UBE2E1: variants seen among roughly 807,000 people sequenced by gnomAD.
The protein encoded by UBE2E1 is ubiquitin conjugating enzyme E2 E1, also known as ubiquitin-conjugating enzyme E2 E1.
UBE2E1 carries 6 observed loss-of-function variants against 21.4 expected under a neutral mutation model. The observed-to-expected ratio is 0.28, with a 90% CI of 0.15 to 0.55. The LOEUF is 0.55. Among genes scored for constraint, UBE2E1 ranks in the 20% least tolerant of loss-of-function variants. The probability of loss-of-function intolerance (pLI) is 0.93; values close to 1 mark genes in which losing one functional copy is unlikely to be tolerated. For synonymous variants in UBE2E1, 87 were observed against 82.7 expected (o/e 1.05, Z -0.28); for missense variants, 142 against 236.5 (o/e 0.60, Z 2.62).
At chr3:23,820,939 G>A (rs1331544791) in intron 3 of UBE2E1, among the ~76,000 whole-genome samples, 1 of 152,184 alleles carries the variant, frequency 6.6e-6, no homozygotes, top group Non-Finnish European at 1.5e-5. Flanking sequence ...AGTAAATAGA[G>A]TAACTTGGGA....
At chr3:23,828,143 A>C (rs1048756080) in intron 3 of UBE2E1, among the ~76,000 whole-genome samples, 1 of 152,110 alleles carries the variant, frequency 6.6e-6, no homozygotes, top group Non-Finnish European at 1.5e-5. Flanking sequence ...AAATATGATT[A>C]TTTTTATTTC....
chr3:23,819,864 T>C (rs1699610255), intron 3 of UBE2E1, among the ~76,000 whole-genome samples: 1 of 152,154 alleles, frequency 6.6e-6, no homozygotes, highest in Admixed American at 6.5e-5. Context: ...GCAGGCTCGA[T>C]TGAGAAAAGA....
intron 3 of UBE2E1, among the ~76,000 whole-genome samples, chr3:23,868,307 TTTTA>T (rs948493151): frequency 6.6e-6 from 1 of 152,030 alleles, no homozygotes; most frequent in Non-Finnish European, 1.5e-5. Context: ...TATTTTTTAT[TTTTA>T]TTTATTTATT....
At chr3:23,873,420 G>A (rs906901980) in intron 3 of UBE2E1, among the ~76,000 whole-genome samples, 2 of 143,976 alleles carry the variant, frequency 1.4e-5, no homozygotes, top group Non-Finnish European at 3.0e-5. Flanking sequence ...GGAGGGTGCA[G>A]GTGGAGGTTG....
rs1225398173 is a variant in UBE2E1 at position 23,853,706 on chromosome 3, A to G, written c.204-33861A>G. 6.6e-6 allele frequency among the ~76,000 whole-genome samples: 1 copy of G among 152,152 alleles called. No homozygotes were observed. Among genetic ancestry groups the G allele is most frequent in the African/African-American group, 2.4e-5 (1 of 41,432 alleles). ...AATGAGTGAATTGGTGAAAATAACT[A>G]CATGTACACCTGTAGTCTTGCTTTG... On this transcript the variant is annotated intron_variant, in intron 3 of 5. Coordinates refer to ENST00000306627, the MANE Select transcript of UBE2E1 (RefSeq NM_003341.5). This position sits in a 1 kb window ranked among gnomAD's most constrained non-coding sequence, Gnocchi z 4.1.
rs761465372 is a variant in UBE2E1, at chr3:23,870,074, C to G, written c.204-17493C>G. Among the ~76,000 whole-genome samples, 1 of 152,160 alleles carries G rather than the reference C, an allele frequency of 6.6e-6. No individual in the cohort carries two copies. Among genetic ancestry groups the G allele is most frequent in the Non-Finnish European group, 1.5e-5 (1 of 68,022 alleles). Reference sequence around the variant, plus strand: ...TGAAGCCTTCCTCACTTTTACATGTCTGGTTTTCCACCTGGGCTGGGAAGG... The same window carrying G: ...TGAAGCCTTCCTCACTTTTACATGTGTGGTTTTCCACCTGGGCTGGGAAGG... On this transcript the variant is annotated intron_variant, in intron 3 of 5. Coordinates refer to ENST00000306627, the MANE Select transcript of UBE2E1 (RefSeq NM_003341.5). The surrounding 1 kb of genome is among the most constrained non-coding windows in gnomAD (Gnocchi z 4.2).
rs140561535 is a variant in UBE2E1, at chr3:23,825,303, G to A, written c.203+13793G>A. Among the ~76,000 whole-genome samples the A allele has an allele frequency of 4.0e-3, 608 of 152,324 alleles. 7 individuals are homozygous for A. Among genetic ancestry groups the A allele is most frequent in the African/African-American group, 0.013 (545 of 41,562 alleles). On this transcript the variant is annotated intron_variant, in intron 3 of 5. Transcript: ENST00000306627. Reference sequence around the variant, plus strand: ...ACAAATCATTGACAACACTGGCAGTGCTTTGGTCTGTGCCTGCCCTGGCTT... The same window carrying A: ...ACAAATCATTGACAACACTGGCAGTACTTTGGTCTGTGCCTGCCCTGGCTT...
At position 23,825,735 on chromosome 3, in the gene UBE2E1, T is replaced by C. The variant is rs1699743815; in HGVS notation, c.203+14225T>C. On this transcript the variant is annotated intron_variant, in intron 3 of 5. Transcript: ENST00000306627. ...TGGGGTAGGCCAGTGTGGCTGGACA[T>C]AGTGAATGAGGGTGAGAGTGGTAGG... 2.0e-5 allele frequency among the ~76,000 whole-genome samples: 3 copies of C among 152,034 alleles called. No homozygotes were observed. The South Asian group carries it at 6.2e-4, about 32-fold the overall frequency.
chr3:23,889,016 A>C, intron 4 of UBE2E1, 96 bp from the exon 5 acceptor site: 1 of 1,280,074 alleles, frequency 7.8e-7, no homozygotes, highest in Non-Finnish European at 1.1e-6. Context: ...TTTAATTAAA[A>C]CTGCTTTTAG....
intron 3 of UBE2E1, chr3:23,879,456 G>A (rs1439147728): frequency 9.6e-6 from 4 of 418,648 alleles, no homozygotes; most frequent in South Asian, 4.1e-5. Context: ...AATGAAGGCC[G>A]ACTGGACAGG....
Position 23,831,518 on chromosome 3 carries a change from C to CTTTTT in UBE2E1, c.203+20019_203+20023dup, listed in dbSNP as rs11430039. 8.1e-4 allele frequency among the ~76,000 whole-genome samples: 111 copies of CTTTTT among 137,220 alleles called. 5 individuals are homozygous for CTTTTT. Among genetic ancestry groups the CTTTTT allele is most frequent in the East Asian group, 3.6e-3 (17 of 4,720 alleles). 90.0% of individuals were successfully genotyped at this position (137,220 alleles called of 152,430 possible). The stretch of plus-strand genomic sequence containing the variant: ...GACAAAATATTTAACAAAATGAATA[C>CTTTTT]TTTTTTTTTTTTTTTCGAGACATGG... On this transcript the variant is annotated intron_variant, in intron 3 of 5. Transcript: ENST00000306627.
intron 3 of UBE2E1, among the ~76,000 whole-genome samples, chr3:23,871,092 C>T (rs970242998): frequency 6.6e-6 from 1 of 151,736 alleles, no homozygotes; most frequent in African/African-American, 2.4e-5. Flanking sequence ...TACACAGACA[C>T]GGCAACCATC....
At chr3:23,847,619 C>T (rs910100383) in intron 3 of UBE2E1, among the ~76,000 whole-genome samples, 25 of 151,550 alleles carry the variant, frequency 1.6e-4, no homozygotes, top group African/African-American at 4.4e-4. Flanking sequence ...CTCAGCCTCC[C>T]GAGTAGCTGG....
At chr3:23,889,369 CA>C in intron 5 of UBE2E1, 110 bp downstream of exon 5, 2 of 1,555,778 alleles carry the variant, frequency 1.3e-6, no homozygotes, top group South Asian at 2.4e-5. Context: ...TTTGTGAATA[CA>C]AAAACTAATC....
Position 23,886,602 on chromosome 3 carries a change from T to TG in UBE2E1, c.204-961dup, listed in dbSNP as rs549645202. On this transcript the variant is annotated intron_variant, in intron 3 of 5. Coordinates refer to ENST00000306627, the MANE Select transcript of UBE2E1 (RefSeq NM_003341.5). ...CCAAAAGAAAAACCTGTGATGGGTTTGGGGAAAGTATAGGCCCATGGGTAG... is the reference window on the plus strand; with the variant it reads ...CCAAAAGAAAAACCTGTGATGGGTTTGGGGGAAAGTATAGGCCCATGGGTAG... 7.2e-3 allele frequency among the ~76,000 whole-genome samples: 1,092 copies of TG among 152,334 alleles called. 9 individuals are homozygous for TG. Among genetic ancestry groups the TG allele is most frequent in the African/African-American group, 0.024 (1,002 of 41,572 alleles).
Position 23,890,754 on chromosome 3 carries a change from G to GTAAC in UBE2E1, c.*150_*153dup. ...CAGTCTTATTTCCTAAGATTTTGTT[G>GTAAC]TAACTTAAGGTATCTTGCTACAGTA... is the stretch of plus-strand genomic sequence containing the variant. On this transcript the variant is annotated 3_prime_UTR_variant, in exon 6 of 6. Transcript: ENST00000306627. 1.5e-6 allele frequency: 1 copy of GTAAC among 647,264 alleles called. No individual in the cohort carries two copies. The highest frequency in any genetic ancestry group is 3.3e-5 in the East Asian group (1 of 30,610). The allele number at this position is 647,264 out of a possible 1,614,324, so 40.1% of individuals were successfully genotyped here.
Position 23,863,054 on chromosome 3 carries a change from TAAAAA to T in UBE2E1, c.204-24500_204-24496del, listed in dbSNP as rs11318221. Among the ~76,000 whole-genome samples the T allele has an allele frequency of 4.7e-5, 7 of 147,386 alleles. No individual in the cohort carries two copies. The East Asian group carries it at 1.0e-3, about 21-fold the overall frequency. On this transcript the variant is annotated intron_variant, in intron 3 of 5. Coordinates refer to ENST00000306627, the MANE Select transcript of UBE2E1 (RefSeq NM_003341.5). This position sits in a 1 kb window ranked among gnomAD's most constrained non-coding sequence, Gnocchi z 4.3. ...AAGGCTTTAATATTTCTTTGTTTGT[TAAAAA>T]AAAAAAAAAAAACTATTCCCAGCAT...
chr3:23,850,528 T>TTA (rs1327301347), intron 3 of UBE2E1, among the ~76,000 whole-genome samples: 3 of 100,080 alleles, frequency 3.0e-5, no homozygotes, highest in African/African-American at 6.8e-5. Flanking sequence ...ATTATTATTA[T>TTA]TTTTTTTTGA....
intron 3 of UBE2E1, 96 bp downstream of exon 3, chr3:23,811,606 G>T: frequency 8.3e-7 from 1 of 1,200,650 alleles, no homozygotes. Context: ...TGATTCTTTG[G>T]CTAATGCTTG....
Sources: gnomAD v4.1 joint callset for allele counts (sites outside exome capture counted in the v4.1 genomes callset) on GRCh38, gnomAD v4.1.1 for gene constraint, Gnocchi (gnomAD v3.1) non-coding constraint, MANE v1.5 for transcripts, NCBI Gene and HGNC (gene_info 2026-07-23, HGNC 2026-07-21) for gene names.